The following CREBL2 variants were observed in gnomAD, a reference collection of about 807,000 sequenced individuals.
CREBL2 encodes cAMP-responsive element-binding protein-like 2.
Under a neutral mutation model 19.5 loss-of-function variants are expected in CREBL2, and 4 were observed. The ratio of observed to expected loss-of-function variants is 0.20; its 90% CI spans 0.10 to 0.47. CREBL2 has a LOEUF of 0.47. Ranked by LOEUF, CREBL2 falls within the 20% of genes least tolerant of loss-of-function variation. The pLI is 0.98. For missense variants in CREBL2, 85 were observed against 145.1 expected, an observed-to-expected ratio of 0.59 and a Z score of 2.13; for synonymous variants, 42 against 46.6, an observed-to-expected ratio of 0.90 and a Z score of 0.40.
chr12:12,625,324 T>G (rs1320169751), intron 1 of CREBL2, among the ~76,000 whole-genome samples: 1 of 152,126 alleles, frequency 6.6e-6, no homozygotes, highest in Non-Finnish European at 1.5e-5. Flanking sequence ...AGGAATACAT[T>G]GGCATCACTT....
intron 1 of CREBL2, among the ~76,000 whole-genome samples, chr12:12,632,911 A>T (rs1447203979): frequency 6.7e-6 from 1 of 150,088 alleles, no homozygotes; most frequent in Admixed American, 6.6e-5. Flanking sequence ...ATATATATAA[A>T]TTTTTTTAAT....
intron 3 of CREBL2, among the ~76,000 whole-genome samples, chr12:12,641,264 T>TTTTA (rs1945518567): frequency 2.5e-5 from 2 of 78,700 alleles, no homozygotes; most frequent in African/African-American, 5.5e-5. Context: ...TTTTTTTTTA[T>TTTTA]TTTTTTTTTT....
intron 1 of CREBL2, among the ~76,000 whole-genome samples, chr12:12,618,503 T>G (rs1445704786): frequency 7.4e-6 from 1 of 135,764 alleles, no homozygotes; most frequent in Non-Finnish European, 1.6e-5. Flanking sequence ...CCTCACTTCC[T>G]AGACGGGATG....
chr12:12,631,511 A>G (rs1346500075), intron 1 of CREBL2, among the ~76,000 whole-genome samples: 2 of 152,256 alleles, frequency 1.3e-5, no homozygotes, highest in Non-Finnish European at 2.9e-5. Context: ...CATGAAAGTC[A>G]GTAATTTTGT....
chr12:12,615,985 G>A (rs1945308961), intron 1 of CREBL2: 1 of 152,200 alleles, frequency 6.6e-6, no homozygotes, highest in Admixed American at 6.5e-5. Context: ...TTGGTAGCTT[G>A]ATCTTTCAGT....
At chr12:12,613,990 C>T (rs200564886) in intron 1 of CREBL2, among the ~76,000 whole-genome samples, 456 of 72,960 alleles carry the variant, frequency 6.3e-3, no homozygotes, top group Middle Eastern at 0.051. Flanking sequence ...TCTTTTTTTT[C>T]TTTTTTTTTT....
chr12:12,635,465 A>G (rs1034870629), intron 1 of CREBL2, among the ~76,000 whole-genome samples: 3 of 151,282 alleles, frequency 2.0e-5, no homozygotes, highest in African/African-American at 7.3e-5. Context: ...GGTGAGCTAA[A>G]TAAATAAATA....
At chr12:12,615,779 A>G (rs1298877892) in intron 1 of CREBL2, 2 of 152,364 alleles carry the variant, frequency 1.3e-5, no homozygotes, top group African/African-American at 4.8e-5. Context: ...GGCATGAGCC[A>G]CCGCACCTGG....
At chr12:12,618,634 C>T (rs1324808801) in intron 1 of CREBL2, among the ~76,000 whole-genome samples, 1 of 152,192 alleles carries the variant, frequency 6.6e-6, no homozygotes, top group African/African-American at 2.4e-5. Flanking sequence ...GGGGTGGCGG[C>T]CGGGCAGAGG....
At chr12:12,617,782 G>C (rs1440429173) in intron 1 of CREBL2, among the ~76,000 whole-genome samples, 1 of 149,464 alleles carries the variant, frequency 6.7e-6, no homozygotes, top group Non-Finnish European at 1.5e-5. Flanking sequence ...ATGTGAACAA[G>C]GGTCTCTGGT....
At chr12:12,631,464 G>T (rs1012290782) in intron 1 of CREBL2, among the ~76,000 whole-genome samples, 40 of 152,298 alleles carry the variant, frequency 2.6e-4, no homozygotes, top group Middle Eastern at 3.4e-3. Context: ...GATGTGTGGG[G>T]TTATTTTCAT....
At chr12:12,623,625 C>T (rs1945378376) in intron 1 of CREBL2, among the ~76,000 whole-genome samples, 1 of 152,092 alleles carries the variant, frequency 6.6e-6, no homozygotes, top group South Asian at 2.1e-4. Flanking sequence ...AGGGTGCCTG[C>T]TGGGGATAAT....
chr12:12,615,107 C>T (rs953908454), intron 1 of CREBL2, among the ~76,000 whole-genome samples: 1 of 152,104 alleles, frequency 6.6e-6, no homozygotes, highest in Non-Finnish European at 1.5e-5. Context: ...CTCCGCCTCC[C>T]GGGTTCAAGT....
In CREBL2 at chr12:12,612,003, G is replaced by T; in HGVS notation, c.-170G>T. On this transcript the variant is annotated 5_prime_UTR_variant, in exon 1 of 4. Transcript: ENST00000228865. ...GGGTCCGCTCTGCCATTCCTGAACT[G>T]GTCCCTCGTCCCCGTGACTCTGGCA... The T allele has an allele frequency of 2.6e-6, 2 of 780,610 alleles. No individual in the cohort carries two copies. Among genetic ancestry groups the T allele is most frequent in the Non-Finnish European group, 2.1e-6 (1 of 485,164 alleles). The allele number at this position is 780,610 out of a possible 1,614,324, so 48.4% of individuals were successfully genotyped here.
chr12:12,621,749 G>A (rs1266365087), intron 1 of CREBL2, among the ~76,000 whole-genome samples: 1 of 152,158 alleles, frequency 6.6e-6, no homozygotes, highest in Non-Finnish European at 1.5e-5. Context: ...AGATTCTTTC[G>A]GGATAGGGTC....
intron 1 of CREBL2, among the ~76,000 whole-genome samples, chr12:12,623,820 C>G (rs1489175865): frequency 6.6e-6 from 1 of 152,166 alleles, no homozygotes; most frequent in Non-Finnish European, 1.5e-5. Flanking sequence ...AGCTTATCCT[C>G]CATTATGTGG....
chr12:12,632,080 T>C (rs977159392), intron 1 of CREBL2, among the ~76,000 whole-genome samples: 1 of 126,534 alleles, frequency 7.9e-6, no homozygotes, highest in Non-Finnish European at 1.7e-5. Context: ...TTTTTTTTTT[T>C]TTTTTTTTTT....
In CREBL2 at chr12:12,635,866, G is replaced by A. The variant is rs1231992769; in HGVS notation, c.105G>A (p.Gln35=). The A allele has an allele frequency of 1.2e-6, 2 of 1,613,986 alleles. No individual in the cohort carries two copies. The highest frequency in any genetic ancestry group is 2.2e-5 in the East Asian group (1 of 44,904). Residue 35 remains glutamine (Q), a synonymous_variant, in exon 2 of 4, where the codon CAG becomes CAA. Coordinates refer to ENST00000228865, the MANE Select transcript of CREBL2 (RefSeq NM_001310.4). ...DLKAKLERSR[Q]SARECRARKK... Reference sequence around the variant, plus strand: ...AAGCAAAACTTGAGAGGAGCCGGCAGAGTGCAAGAGAATGCCGAGCCCGAA... The same window carrying A: ...AAGCAAAACTTGAGAGGAGCCGGCAAAGTGCAAGAGAATGCCGAGCCCGAA...
chr12:12,617,643 C>CTTTTTTTTTATTTTTTTTTTTTTTTT (rs1945321011), intron 1 of CREBL2, among the ~76,000 whole-genome samples: 1 of 38,716 alleles, frequency 2.6e-5, no homozygotes, highest in Non-Finnish European at 5.4e-5. Context: ...TTTAGTAATT[C>CTTTTTTTTTATTTTTTTTTTTTTTTT]TTTTTTTTTT....
Sources: allele counts gnomAD v4.1 joint callset (sites outside exome capture counted in the v4.1 genomes callset), GRCh38; gene constraint gnomAD v4.1.1; transcripts MANE v1.5; gene names NCBI Gene and HGNC (gene_info 2026-07-23, HGNC 2026-07-21).